ANKS1B: variants seen among roughly 807,000 people sequenced by gnomAD.
ANKS1B encodes ankyrin repeat and sterile alpha motif domain containing 1B.
Under a neutral mutation model 148.3 loss-of-function variants are expected in ANKS1B, and 36 were observed. The observed-to-expected ratio is 0.24, with a 90% confidence interval of 0.19 to 0.32. The LOEUF is 0.32. ANKS1B is among the 10% of genes least tolerant of loss of function. The probability of loss-of-function intolerance (pLI) is 1.00; values close to 1 mark genes in which losing one functional copy is unlikely to be tolerated. For synonymous variants in ANKS1B, 542 were observed against 560.8 expected, an observed-to-expected ratio of 0.97 and a Z score of 0.47; for missense variants, 1,157 against 1,542.6, an observed-to-expected ratio of 0.75 and a Z score of 4.19.
chr12:99,272,945 A>T (rs1053225609), intron 12 of ANKS1B, among the ~76,000 whole-genome samples: 12 of 152,214 alleles, frequency 7.9e-5, no homozygotes, highest in Admixed American at 5.2e-4. Flanking sequence ...TCTCTGGATC[A>T]TGCTACATTT....
intron 9 of ANKS1B, among the ~76,000 whole-genome samples, chr12:99,607,304 A>C (rs1381942304): frequency 6.6e-6 from 1 of 152,058 alleles, no homozygotes; most frequent in East Asian, 1.9e-4. Context: ...CCTAGCTTTG[A>C]CCTACCAATA....
chr12:99,517,502 G>A (rs2153048013), intron 9 of ANKS1B, among the ~76,000 whole-genome samples: 1 of 151,544 alleles, frequency 6.6e-6, no homozygotes, highest in East Asian at 1.9e-4. Flanking sequence ...CGGATCATCT[G>A]AGGTAAGGAG....
intron 12 of ANKS1B, among the ~76,000 whole-genome samples, chr12:99,317,102 G>A (rs1467983758): frequency 6.6e-6 from 1 of 152,198 alleles, no homozygotes; most frequent in Non-Finnish European, 1.5e-5. Flanking sequence ...CAGGTAGCGT[G>A]ATGCCTCCAG....
intron 14 of ANKS1B, among the ~76,000 whole-genome samples, chr12:99,208,681 A>G (rs1411128830): frequency 6.6e-6 from 1 of 152,160 alleles, no homozygotes; most frequent in East Asian, 1.9e-4. Flanking sequence ...AAGAAACTGG[A>G]GGCTTCATGA....
chr12:98,957,352 T>C (rs1481163459), intron 17 of ANKS1B, among the ~76,000 whole-genome samples: 2 of 111,810 alleles, frequency 1.8e-5, no homozygotes, highest in Non-Finnish European at 3.7e-5. Context: ...TTTATTTATT[T>C]ATTTATTTAT....
At chr12:99,033,082 C>G (rs572196330) in intron 17 of ANKS1B, among the ~76,000 whole-genome samples, 3 of 152,278 alleles carry the variant, frequency 2.0e-5, no homozygotes, top group Non-Finnish European at 4.4e-5. Context: ...CTACCCAGGT[C>G]AATGGTTTTT....
intron 17 of ANKS1B, among the ~76,000 whole-genome samples, chr12:98,892,251 C>T (rs759711353): frequency 1.3e-5 from 2 of 152,208 alleles, no homozygotes; most frequent in Non-Finnish European, 2.9e-5. Context: ...GAGAACATGT[C>T]TGCCTTTCAT....
At chr12:99,381,084 A>G (rs1264440549) in intron 12 of ANKS1B, among the ~76,000 whole-genome samples, 1 of 152,216 alleles carries the variant, frequency 6.6e-6, no homozygotes, top group East Asian at 1.9e-4. Context: ...GGAAGCTGGA[A>G]GAGGCAAGAA....
intron 17 of ANKS1B, among the ~76,000 whole-genome samples, chr12:98,866,490 C>T (rs1405228414): frequency 6.6e-6 from 1 of 152,206 alleles, no homozygotes; most frequent in African/African-American, 2.4e-5. Flanking sequence ...GACATGTGCA[C>T]ATTGGGAGGG....
At chr12:99,162,309 T>C (rs1051534159) in intron 14 of ANKS1B, among the ~76,000 whole-genome samples, 5 of 152,082 alleles carry the variant, frequency 3.3e-5, no homozygotes, top group Non-Finnish European at 5.9e-5. Context: ...TTTAAATCAG[T>C]TACTTAAATT....
At chr12:99,814,391 C>T (rs1308130790) in intron 2 of ANKS1B, among the ~76,000 whole-genome samples, 1 of 151,456 alleles carries the variant, frequency 6.6e-6, no homozygotes, top group Admixed American at 6.6e-5. Flanking sequence ...AGCACTTGTC[C>T]CAAGTAAAAA....
At chr12:99,554,689 ATTTG>A (rs1351355082) in intron 9 of ANKS1B, among the ~76,000 whole-genome samples, 1 of 152,070 alleles carries the variant, frequency 6.6e-6, no homozygotes, top group Admixed American at 6.6e-5. Context: ...TATTGGAATT[ATTTG>A]TTTTTGTTAA....
chr12:99,010,896 CTTTTGTT>C (rs2099938970), intron 17 of ANKS1B, among the ~76,000 whole-genome samples: 1 of 113,862 alleles, frequency 8.8e-6, no homozygotes, highest in Non-Finnish European at 1.7e-5. Context: ...CAGGTGTGAG[CTTTTGTT>C]TTTTTTTTTT....
At chr12:98,961,108 A>G (rs1167267728) in intron 17 of ANKS1B, among the ~76,000 whole-genome samples, 1 of 152,236 alleles carries the variant, frequency 6.6e-6, no homozygotes, top group East Asian at 1.9e-4. Flanking sequence ...CAAAAAGATA[A>G]TAACAGAGAA....
chr12:99,700,377 A>G (rs1348024402), intron 8 of ANKS1B, among the ~76,000 whole-genome samples: 2 of 152,166 alleles, frequency 1.3e-5, no homozygotes, highest in Non-Finnish European at 2.9e-5. Context: ...ACCCAATCCA[A>G]CTGCCATCAA....
At chr12:99,204,437 T>C (rs2082401960) in intron 14 of ANKS1B, among the ~76,000 whole-genome samples, 1 of 152,230 alleles carries the variant, frequency 6.6e-6, no homozygotes, top group African/African-American at 2.4e-5. Flanking sequence ...TAATGGGTCT[T>C]GGAGGCAAAC....
At chr12:98,780,592 C>T (rs899480578) in intron 24 of ANKS1B, among the ~76,000 whole-genome samples, 9 of 152,170 alleles carry the variant, frequency 5.9e-5, no homozygotes, top group Non-Finnish European at 1.0e-4. Flanking sequence ...CTGAAACTCT[C>T]TCCCATCTCA....
intron 24 of ANKS1B, among the ~76,000 whole-genome samples, chr12:98,776,483 G>A (rs1034516803): frequency 6.6e-5 from 10 of 152,332 alleles, no homozygotes; most frequent in African/African-American, 2.4e-4. Context: ...TGGCAGCATA[G>A]CACCCTTCAA....
chr12:99,850,416 C>A (rs1565858923), intron 1 of ANKS1B, among the ~76,000 whole-genome samples: 1 of 151,532 alleles, frequency 6.6e-6, no homozygotes, highest in East Asian at 1.9e-4. Context: ...AAACTCTTTT[C>A]TCTTAAATTT....
Sources: gnomAD v4.1 joint callset for allele counts (sites outside exome capture counted in the v4.1 genomes callset) on GRCh38, gnomAD v4.1.1 for gene constraint, MANE v1.5 for transcripts, NCBI Gene and HGNC (gene_info 2026-07-23, HGNC 2026-07-21) for gene names.